Variants in ROBO2 observed in about 807,000 individuals in gnomAD.
ROBO2 encodes roundabout guidance receptor 2.
Under a neutral mutation model 160.8 loss-of-function variants are expected in ROBO2, and 53 were observed. The ratio of observed to expected loss-of-function variants is 0.33; its 90% CI spans 0.26 to 0.41. The LOEUF (loss-of-function observed/expected upper bound fraction) is 0.41, where lower values mean the gene tolerates loss of function less well. ROBO2 is among the 10% of genes least tolerant of loss of function. The pLI, the probability that ROBO2 is intolerant of heterozygous loss-of-function variation, is 1.00. For synonymous variants in ROBO2, 664 were observed against 611.7 expected, an observed-to-expected ratio of 1.09 and a Z score of -1.26; for missense variants, 1,577 against 1,722.4, an observed-to-expected ratio of 0.92 and a Z score of 1.49.
chr3:76,073,726 A>G (rs557489462), intron 2 of ROBO2, among the ~76,000 whole-genome samples: 30 of 152,298 alleles, frequency 2.0e-4, no homozygotes, highest in Middle Eastern at 3.4e-3. Context: ...GTTATAAGTG[A>G]GCTTTGAATT....
At chr3:77,347,680 T>A (rs2067819895) in intron 2 of ROBO2, among the ~76,000 whole-genome samples, 1 of 152,046 alleles carries the variant, frequency 6.6e-6, no homozygotes, top group African/African-American at 2.4e-5. Context: ...AGAGTATTGA[T>A]CTAAATAGAC....
chr3:76,948,908 ATTTT>A (rs1157110855), intron 2 of ROBO2, among the ~76,000 whole-genome samples: 30 of 24,950 alleles, frequency 1.2e-3, no homozygotes, highest in South Asian at 3.0e-3. Flanking sequence ...ATATATATAT[ATTTT>A]TTTTTTTTTT....
intron 2 of ROBO2, among the ~76,000 whole-genome samples, chr3:76,370,748 A>G (rs1344571228): frequency 1.3e-5 from 2 of 152,008 alleles, no homozygotes. Flanking sequence ...GGGCAGCAAC[A>G]AAAATAAAAT....
intron 2 of ROBO2, among the ~76,000 whole-genome samples, chr3:76,504,519 C>CTTTTT (rs57591523): frequency 2.7e-5 from 2 of 73,522 alleles, no homozygotes; most frequent in Non-Finnish European, 2.4e-5. Context: ...AGAAAATACT[C>CTTTTT]TTTTTTTTTT....
chr3:77,242,101 A>C (rs1218710659), intron 2 of ROBO2, among the ~76,000 whole-genome samples: 2 of 152,220 alleles, frequency 1.3e-5, no homozygotes, highest in African/African-American at 4.8e-5. Context: ...GCATGCTGAA[A>C]TATGTATTAC....
At chr3:75,981,081 AAATG>A (rs1185974157) in intron 2 of ROBO2, among the ~76,000 whole-genome samples, 36 of 151,646 alleles carry the variant, frequency 2.4e-4, no homozygotes, top group African/African-American at 7.2e-4. Flanking sequence ...TTAATATCAG[AAATG>A]AATGAACAGA....
At chr3:77,507,761 C>T (rs1040487797) in intron 5 of ROBO2, among the ~76,000 whole-genome samples, 1 of 152,060 alleles carries the variant, frequency 6.6e-6, no homozygotes, top group African/African-American at 2.4e-5. Flanking sequence ...TTTATTTGTT[C>T]CAGTAGGAAC....
At chr3:77,421,631 G>A (rs535227204) in intron 2 of ROBO2, among the ~76,000 whole-genome samples, 1 of 152,204 alleles carries the variant, frequency 6.6e-6, no homozygotes, top group African/African-American at 2.4e-5. Context: ...GTCATCGAAA[G>A]CATTGAACTA....
chr3:76,457,356 A>T (rs889867331), intron 2 of ROBO2, among the ~76,000 whole-genome samples: 6 of 152,216 alleles, frequency 3.9e-5, no homozygotes, highest in Non-Finnish European at 7.3e-5. Context: ...CGGTGCAGTC[A>T]AACTTTAAAG....
At chr3:77,636,437 C>A (rs1430515289) in intron 24 of ROBO2, among the ~76,000 whole-genome samples, 3 of 151,804 alleles carry the variant, frequency 2.0e-5, no homozygotes, top group Admixed American at 6.6e-5. Flanking sequence ...ACTAAAAGTA[C>A]AAAAATTAGC....
At chr3:77,602,249 C>A (rs2094443671) in exon 20 of ROBO2, 12 of 1,614,182 alleles carry the variant, frequency 7.4e-6, no homozygotes, top group Non-Finnish European at 9.3e-6. Flanking sequence ...GATAAAACAG[C>A]AACGATGCTC....
In ROBO2 at chr3:76,536,216, G is replaced by A. The variant is rs142706178; in HGVS notation, c.110-561798G>A. Among the ~76,000 whole-genome samples, 91 of 152,308 alleles carry A rather than the reference G, an allele frequency of 6.0e-4. 2 individuals are homozygous for A. The highest frequency in any genetic ancestry group is 3.1e-3 in the South Asian group (15 of 4,820). On this transcript the variant is annotated intron_variant, in intron 2 of 26. Coordinates refer to the ROBO2 transcript ENST00000487694. ...GCGTGGCTGAGGTTTGTCTTACAGC[G>A]GAGGCAAGCAGTTGCAGCTCAGAAA...
At chr3:77,134,039 G>A (rs932229524) in intron 2 of ROBO2, among the ~76,000 whole-genome samples, 4 of 152,030 alleles carry the variant, frequency 2.6e-5, no homozygotes, top group African/African-American at 7.2e-5. Context: ...AGCCAGGTGC[G>A]GTGGCACATG....
chr3:77,290,297 T>C (rs1180211645), intron 2 of ROBO2, among the ~76,000 whole-genome samples: 3 of 106,884 alleles, frequency 2.8e-5, no homozygotes, highest in Admixed American at 9.9e-5. Flanking sequence ...GTAAAATTGA[T>C]GGTTAAATGG....
chr3:76,549,023 A>G (rs1323689808), intron 2 of ROBO2, among the ~76,000 whole-genome samples: 1 of 152,166 alleles, frequency 6.6e-6, no homozygotes, highest in Non-Finnish European at 1.5e-5. Flanking sequence ...AGAGTATCAC[A>G]CTAATAAATT....
chr3:77,110,811 A>C lies in ROBO2; in HGVS notation c.388+12471A>C, dbSNP rs915589517. On this transcript the variant is annotated intron_variant, in intron 2 of 25. Coordinates refer to ENST00000461745, the Ensembl canonical transcript of ROBO2. ...CAGACTCAAGTGATCCTTCCACCTCAGTCTTCCCAGTAGCTTGTGCTACAG... is the reference window on the plus strand; with the variant it reads ...CAGACTCAAGTGATCCTTCCACCTCCGTCTTCCCAGTAGCTTGTGCTACAG... 3.3e-5 allele frequency among the ~76,000 whole-genome samples: 5 copies of C among 151,896 alleles called. No homozygotes were observed. In the South Asian group the frequency reaches 6.2e-4, roughly 19 times the overall value.
intron 2 of ROBO2, among the ~76,000 whole-genome samples, chr3:76,186,542 C>T (rs1701773942): frequency 6.6e-6 from 1 of 151,354 alleles, no homozygotes; most frequent in Admixed American, 6.7e-5. Context: ...GAAATGCTCA[C>T]TGGATCCCAT....
At chr3:76,110,023 A>T (rs1177896277) in intron 2 of ROBO2, among the ~76,000 whole-genome samples, 2 of 151,188 alleles carry the variant, frequency 1.3e-5, no homozygotes, top group Non-Finnish European at 3.0e-5. Flanking sequence ...TAGTATTGTT[A>T]TATATATATG....
chr3:75,949,152 T>C (rs1490540734), intron 2 of ROBO2, among the ~76,000 whole-genome samples: 1 of 152,130 alleles, frequency 6.6e-6, no homozygotes, highest in Non-Finnish European at 1.5e-5. Context: ...TTCTCAGTAT[T>C]GATATACTTA....
Sources: gnomAD v4.1 joint callset for allele counts (sites outside exome capture counted in the v4.1 genomes callset) on GRCh38, gnomAD v4.1.1 for gene constraint, MANE v1.5 for transcripts, NCBI Gene and HGNC (gene_info 2026-07-23, HGNC 2026-07-21) for gene names.